WHRN: variants seen among roughly 807,000 people sequenced by gnomAD.
The protein encoded by WHRN is CASK-interacting protein CIP98.
Under a neutral mutation model 68.3 loss-of-function variants are expected in WHRN, and 41 were observed. That is an observed-to-expected ratio of 0.60 (90% CI 0.47 to 0.78). WHRN has a LOEUF of 0.78. WHRN is among the 30% of genes least tolerant of loss of function. WHRN has a pLI of 0.00. For missense variants in WHRN, 1,243 were observed against 1,244.7 expected (o/e 1.00, Z 0.02); for synonymous variants, 560 against 561.3 (o/e 1.00, Z 0.03).
At chr9:114,498,743 C>T (rs1843675272) in intron 1 of WHRN, among the ~76,000 whole-genome samples, 1 of 152,144 alleles carries the variant, frequency 6.6e-6, no homozygotes, top group Non-Finnish European at 1.5e-5. Context: ...AGGCTGACTA[C>T]AAAATCCTTG....
rs758129253 is a variant in WHRN, at chr9:114,424,523, G to A, written c.1227C>T (p.Ala409=). The part of the protein sequence containing the change: ...INKPGFYKGP[A]GSQVTLSSLG... ...GGCTGCTCAGGGTCACCTGGGAGCC[G>A]GCTGGGCCCTTGTAAAATCCTGGCT... Residue 409 remains alanine (A), a synonymous_variant, in exon 6 of 12, where the codon GCC becomes GCT. Coordinates refer to ENST00000362057, the MANE Select transcript of WHRN (RefSeq NM_015404.4). 5.0e-5 allele frequency: 81 copies of A among 1,613,126 alleles called. No individual in the cohort carries two copies. The Middle Eastern group carries it at 6.6e-4, about 13-fold the overall frequency.
intron 1 of WHRN, among the ~76,000 whole-genome samples, chr9:114,479,263 G>A (rs1459677022): frequency 1.3e-5 from 2 of 152,146 alleles, no homozygotes; most frequent in African/African-American, 4.8e-5. Flanking sequence ...TAAAAACTGT[G>A]GGTGCTCTCT....
intron 1 of WHRN, among the ~76,000 whole-genome samples, chr9:114,501,321 C>A (rs1843901824): frequency 6.6e-6 from 1 of 152,090 alleles, no homozygotes; most frequent in Non-Finnish European, 1.5e-5. Context: ...CTTATCTGGA[C>A]CTGTCACTGC....
At position 114,482,526 on chromosome 9, in the gene WHRN, G is replaced by A. The variant is rs1350641080; in HGVS notation, c.619-3755C>T. On this transcript the variant is annotated intron_variant, in intron 1 of 11. Transcript: ENST00000362057. ...GAGAAGGACAATGCTCACCTCCCAG[G>A]GCACCGTGGGTTAAATGAGACAATG... is the stretch of plus-strand genomic sequence containing the variant. 4.6e-5 allele frequency among the ~76,000 whole-genome samples: 7 copies of A among 152,170 alleles called. No homozygotes were observed. In the East Asian group the frequency reaches 9.7e-4, roughly 21 times the overall value.
At chr9:114,408,050 A>G (rs1835166587) in intron 7 of WHRN, 32 bp from the exon 8 acceptor site, 3 of 1,555,008 alleles carry the variant, frequency 1.9e-6, no homozygotes, top group African/African-American at 1.4e-5. Flanking sequence ...AAGTGAGCAA[A>G]CAGAAGCTGA....
At chr9:114,417,550 AC>A (rs1211441928) in intron 7 of WHRN, among the ~76,000 whole-genome samples, 1 of 152,258 alleles carries the variant, frequency 6.6e-6, no homozygotes, top group African/African-American at 2.4e-5. Context: ...AGGGAAACCC[AC>A]GAAGAGGTTA....
chr9:114,403,016 A>C (rs1275796159), intron 11 of WHRN, 80 bp from the exon 12 acceptor site: 1 of 1,550,994 alleles, frequency 6.4e-7, no homozygotes, highest in Non-Finnish European at 8.8e-7. Context: ...GTCAGTCCCA[A>C]CACTGCCAAG....
intron 1 of WHRN, among the ~76,000 whole-genome samples, chr9:114,492,648 T>C (rs1564228682): frequency 6.6e-6 from 1 of 152,078 alleles, no homozygotes; most frequent in South Asian, 2.1e-4. Flanking sequence ...ATTACTGACT[T>C]GGGGAGGGTC....
intron 1 of WHRN, among the ~76,000 whole-genome samples, chr9:114,493,102 T>G (rs1271206714): frequency 3.3e-5 from 5 of 151,944 alleles, no homozygotes; most frequent in East Asian, 1.9e-4. Flanking sequence ...GTAATCCCAG[T>G]GTTTTGAGAG....
chr9:114,441,832 T>C (rs1293506403), intron 3 of WHRN, among the ~76,000 whole-genome samples: 1 of 152,196 alleles, frequency 6.6e-6, no homozygotes, highest in African/African-American at 2.4e-5. Context: ...AGGTAAATTT[T>C]GACACAGAAC....
chr9:114,431,052 A>G (rs1252598265), intron 3 of WHRN, among the ~76,000 whole-genome samples: 1 of 152,202 alleles, frequency 6.6e-6, no homozygotes, highest in African/African-American at 2.4e-5. Flanking sequence ...TGTAGAGTCC[A>G]CAAACCACTT....
chr9:114,504,090 G>A, intron 1 of WHRN, 94 bp downstream of exon 1: 1 of 1,549,044 alleles, frequency 6.5e-7, no homozygotes. Context: ...AAGGCCAAGT[G>A]ATTCATCTAA....
At chr9:114,466,606 C>A (rs1246367788) in intron 2 of WHRN, among the ~76,000 whole-genome samples, 1 of 152,188 alleles carries the variant, frequency 6.6e-6, no homozygotes, top group Non-Finnish European at 1.5e-5. Flanking sequence ...AGCCCCTCAC[C>A]CCCTCTTGGT....
In WHRN at chr9:114,423,485, C is replaced by T. The variant is rs141807746; in HGVS notation, c.1455G>A (p.Pro485=). 1.2e-3 allele frequency: 2,008 copies of T among 1,612,276 alleles called. 1 individual carries two copies. The highest frequency in any genetic ancestry group is 1.6e-3 in the Non-Finnish European group (1,904 of 1,178,508). Residue 485 remains proline, a synonymous_variant, in exon 7 of 12, where the codon CCG becomes CCA. Transcript: ENST00000362057. Reference sequence around the variant, plus strand: ...GGTGGTCGAAGCGTTCTAGGTCTTGCGGGGAAATGGTGCCTCTCACCTCAG... The same window carrying T: ...GGTGGTCGAAGCGTTCTAGGTCTTGTGGGGAAATGGTGCCTCTCACCTCAG... The part of the protein sequence containing the change: ...LLSEVRGTIS[P]QDLERFDHLV...
At chr9:114,496,884 T>A (rs558473878) in intron 1 of WHRN, among the ~76,000 whole-genome samples, 3 of 152,262 alleles carry the variant, frequency 2.0e-5, no homozygotes, top group African/African-American at 7.2e-5. Context: ...CTTACACAAG[T>A]GGAATCTTGC....
At chr9:114,497,054 C>A (rs1179065404) in intron 1 of WHRN, among the ~76,000 whole-genome samples, 3 of 152,210 alleles carry the variant, frequency 2.0e-5, no homozygotes, top group African/African-American at 7.2e-5. Flanking sequence ...AATTCCTAAG[C>A]AAGCTAACAT....
intron 2 of WHRN, among the ~76,000 whole-genome samples, chr9:114,469,220 G>C (rs535877820): frequency 1.3e-5 from 2 of 152,334 alleles, no homozygotes; most frequent in South Asian, 4.1e-4. Flanking sequence ...AAGCAGGTGT[G>C]GCCTTCCTCA....
At chr9:114,479,003 ACCTCTG>A (rs1469100051) in intron 1 of WHRN, among the ~76,000 whole-genome samples, 1 of 152,132 alleles carries the variant, frequency 6.6e-6, no homozygotes, top group South Asian at 2.1e-4. Flanking sequence ...CTTTTAGGAT[ACCTCTG>A]CGGAGGAGTT....
chr9:114,483,196 C>T (rs1321416480), intron 1 of WHRN, among the ~76,000 whole-genome samples: 1 of 152,032 alleles, frequency 6.6e-6, no homozygotes, highest in Non-Finnish European at 1.5e-5. Flanking sequence ...ATATTTCTGG[C>T]GAAACTGATG....
Sources: allele counts gnomAD v4.1 joint callset (sites outside exome capture counted in the v4.1 genomes callset), GRCh38; gene constraint gnomAD v4.1.1; transcripts MANE v1.5; gene names NCBI Gene and HGNC (gene_info 2026-07-23, HGNC 2026-07-21).